The following VPS13B variants were observed in gnomAD, a reference collection of about 807,000 sequenced individuals.
VPS13B encodes vacuolar protein sorting 13 homolog B, also known as intermembrane lipid transfer protein VPS13B.
A neutral mutation model predicts 426.4 loss-of-function variants in VPS13B; 285 were observed. That is an observed-to-expected ratio of 0.67 (90% CI 0.61 to 0.74). The LOEUF (loss-of-function observed/expected upper bound fraction) is 0.74, where lower values mean the gene tolerates loss of function less well. Among genes scored for constraint, VPS13B ranks in the 30% least tolerant of loss-of-function variants. VPS13B has a pLI of 0.00. For missense variants in VPS13B, 4,537 were observed against 4,782.6 expected (o/e 0.95, Z 1.51); for synonymous variants, 1,676 against 1,676.4 (o/e 1.00, Z 0.01).
intron 30 of VPS13B, among the ~76,000 whole-genome samples, chr8:99,534,770 C>G (rs779906012): frequency 7.2e-5 from 11 of 152,068 alleles, no homozygotes. Context: ...TCTTAAGTGT[C>G]TGATGTAAAG....
intron 25 of VPS13B, among the ~76,000 whole-genome samples, chr8:99,483,349 G>A (rs916743173): frequency 2.0e-5 from 3 of 152,042 alleles, no homozygotes; most frequent in African/African-American, 4.8e-5. Flanking sequence ...TTAATGGGAC[G>A]TATCGTTTCT....
chr8:99,047,984 T>C (rs1312808445), intron 3 of VPS13B, among the ~76,000 whole-genome samples: 1 of 152,004 alleles, frequency 6.6e-6, no homozygotes, highest in Non-Finnish European at 1.5e-5. Context: ...CACTGTGCTC[T>C]GCTCTATGAA....
At chr8:99,043,494 T>C (rs1291824734) in intron 3 of VPS13B, among the ~76,000 whole-genome samples, 1 of 152,210 alleles carries the variant, frequency 6.6e-6, no homozygotes, top group Non-Finnish European at 1.5e-5. Flanking sequence ...TTGAATGTTA[T>C]AATAAATGGC....
At chr8:99,167,570 TA>T (rs2132656613) in intron 15 of VPS13B, among the ~76,000 whole-genome samples, 1 of 152,202 alleles carries the variant, frequency 6.6e-6, no homozygotes, top group Admixed American at 6.5e-5. Flanking sequence ...TAATTTATGA[TA>T]ATTTTTGGCA....
intron 25 of VPS13B, among the ~76,000 whole-genome samples, chr8:99,482,745 A>G: frequency 6.6e-6 from 1 of 152,158 alleles, no homozygotes; most frequent in Non-Finnish European, 1.5e-5. Context: ...AAGTGTTTAG[A>G]TTTGAAACAT....
intron 17 of VPS13B, among the ~76,000 whole-genome samples, chr8:99,220,322 C>A (rs1464768083): frequency 6.6e-6 from 1 of 152,132 alleles, no homozygotes; most frequent in Non-Finnish European, 1.5e-5. Context: ...TGAGTCCTAG[C>A]AAATACATAT....
At chr8:99,525,445 G>A (rs1017771536) in intron 30 of VPS13B, among the ~76,000 whole-genome samples, 1 of 152,078 alleles carries the variant, frequency 6.6e-6, no homozygotes, top group African/African-American at 2.4e-5. Context: ...TGTGTCATAG[G>A]GAGTAGTTCA....
At chr8:99,341,181 G>A (rs530306155) in intron 19 of VPS13B, 2 of 225,860 alleles carry the variant, frequency 8.9e-6, no homozygotes, top group East Asian at 1.2e-4. Context: ...GTGTGGTGGT[G>A]GCAAGGCCTC....
intron 44 of VPS13B, among the ~76,000 whole-genome samples, chr8:99,810,155 G>T (rs1332687490): frequency 6.6e-6 from 1 of 152,146 alleles, no homozygotes; most frequent in Non-Finnish European, 1.5e-5. Flanking sequence ...AGGGAAAAAA[G>T]TATCTGACAC....
intron 40 of VPS13B, among the ~76,000 whole-genome samples, chr8:99,767,493 CAAAAA>C (rs869220303): frequency 6.0e-5 from 2 of 33,318 alleles, no homozygotes; most frequent in African/African-American, 1.1e-4. Flanking sequence ...GCAACTCTCT[CAAAAA>C]AAAAAAAAAA....
At chr8:99,210,209 A>G (rs1319577718) in intron 17 of VPS13B, among the ~76,000 whole-genome samples, 1 of 152,160 alleles carries the variant, frequency 6.6e-6, no homozygotes, top group Non-Finnish European at 1.5e-5. Context: ...TACCTGTATT[A>G]TGCTCTGGGA....
chr8:99,076,433 G>T (rs1416086175), intron 3 of VPS13B, among the ~76,000 whole-genome samples: 1 of 152,132 alleles, frequency 6.6e-6, no homozygotes, highest in African/African-American at 2.4e-5. Flanking sequence ...TGGATGATAT[G>T]TCCCATGCTG....
chr8:99,632,579 A>G (rs1320288739), intron 33 of VPS13B, among the ~76,000 whole-genome samples: 1 of 151,984 alleles, frequency 6.6e-6, no homozygotes, highest in Non-Finnish European at 1.5e-5. Context: ...GGTTATGATC[A>G]AAGCATTTGT....
At chr8:99,529,171 C>T (rs747823457) in intron 30 of VPS13B, among the ~76,000 whole-genome samples, 4 of 152,088 alleles carry the variant, frequency 2.6e-5, no homozygotes, top group Non-Finnish European at 5.9e-5. Context: ...ATGCAATACT[C>T]CTCCTTACCA....
At chr8:99,829,066 C>T (rs551862287) in intron 51 of VPS13B, among the ~76,000 whole-genome samples, 2 of 152,192 alleles carry the variant, frequency 1.3e-5, no homozygotes, top group Non-Finnish European at 2.9e-5. Context: ...GTGAATCTGA[C>T]GATTAAGTGT....
rs541849515 is a variant in VPS13B, at chr8:99,691,113, A to T, written c.6047-8412A>T. On this transcript the variant is annotated intron_variant, in intron 35 of 61. Coordinates refer to ENST00000357162, the MANE Select transcript of VPS13B (RefSeq NM_152564.5). ...TATATGAAGGAAACCGGGTACAAAA[A>T]TCACATATTATATGATTCCATTTCT... Among the ~76,000 whole-genome samples, 14 of 152,334 alleles carry T rather than the reference A, an allele frequency of 9.2e-5. No homozygotes were observed. The South Asian group carries it at 1.2e-3, about 14-fold the overall frequency.
At chr8:99,815,633 C>T (rs2130805083) in intron 44 of VPS13B, among the ~76,000 whole-genome samples, 1 of 150,992 alleles carries the variant, frequency 6.6e-6, no homozygotes, top group Non-Finnish European at 1.5e-5. Flanking sequence ...ATATCATATG[C>T]TTAGACTTGT....
At chr8:99,569,348 G>A (rs1825355344) in intron 31 of VPS13B, among the ~76,000 whole-genome samples, 1 of 151,718 alleles carries the variant, frequency 6.6e-6, no homozygotes, top group Non-Finnish European at 1.5e-5. Flanking sequence ...GGGATGACTT[G>A]AGCCCAGGAG....
At chr8:99,253,396 C>T (rs1260717607) in intron 17 of VPS13B, among the ~76,000 whole-genome samples, 1 of 152,110 alleles carries the variant, frequency 6.6e-6, no homozygotes, top group African/African-American at 2.4e-5. Context: ...TTCTGAGTAA[C>T]TGCCAAATTG....
Sources: gnomAD v4.1 joint callset for allele counts (sites outside exome capture counted in the v4.1 genomes callset) on GRCh38, gnomAD v4.1.1 for gene constraint, MANE v1.5 for transcripts, NCBI Gene and HGNC (gene_info 2026-07-23, HGNC 2026-07-21) for gene names.